Variants in HTT observed in about 807,000 individuals in gnomAD.
HTT encodes huntington disease protein.
HTT carries 104 observed loss-of-function variants against 362.3 expected under a neutral mutation model. The observed-to-expected ratio is 0.29, with a 90% CI of 0.24 to 0.34. HTT has a LOEUF of 0.34. Among genes scored for constraint, HTT ranks in the 10% least tolerant of loss-of-function variants. The probability of loss-of-function intolerance (pLI) is 1.00; values close to 1 mark genes in which losing one functional copy is unlikely to be tolerated. For synonymous variants in HTT, 1,577 were observed against 1,548.7 expected (o/e 1.02, Z -0.43); for missense variants, 3,301 against 3,928.6 (o/e 0.84, Z 4.27).
intron 26 of HTT, among the ~76,000 whole-genome samples, chr4:3,148,590 G>T (rs1716724457): frequency 6.6e-6 from 1 of 152,176 alleles, no homozygotes. Context: ...GAGGTCAAGA[G>T]ATCAAGACCA....
At chr4:3,135,263 C>T (rs1229672968) in intron 19 of HTT, among the ~76,000 whole-genome samples, 3 of 151,128 alleles carry the variant, frequency 2.0e-5, no homozygotes, top group African/African-American at 4.9e-5. Context: ...GCTGTGGTTG[C>T]AGTGAGCCAA....
intron 8 of HTT, among the ~76,000 whole-genome samples, chr4:3,117,890 T>C (rs1210702017): frequency 6.6e-6 from 1 of 152,154 alleles, no homozygotes; most frequent in African/African-American, 2.4e-5. Flanking sequence ...GACCTGAAAA[T>C]ATTAAACATT....
At position 3,204,180 on chromosome 4, in the gene HTT, G is replaced by A. The variant is rs535650705; in HGVS notation, c.5718+32G>A. Reference sequence around the variant, plus strand: ...TTGAAATGCCTGTAAACGGGGTTGAGGGAGGTGGGGACCAGGAGAACATCC... The same window carrying A: ...TTGAAATGCCTGTAAACGGGGTTGAAGGAGGTGGGGACCAGGAGAACATCC... On this transcript the variant is annotated intron_variant, in intron 42 of 66. Coordinates refer to ENST00000355072, the MANE Select transcript of HTT (RefSeq NM_001388492.1). The A allele has an allele frequency of 5.7e-5, 92 of 1,612,464 alleles. 3 individuals are homozygous for A. In the South Asian group the frequency reaches 8.9e-4, roughly 16 times the overall value.
chr4:3,131,528 G>A (rs979189294), intron 15 of HTT, 110 bp from the exon 16 acceptor site: 71 of 1,524,334 alleles, frequency 4.7e-5, no homozygotes, highest in Middle Eastern at 3.4e-4. Context: ...TTCACTAGCC[G>A]AGGGGAGGGA....
At chr4:3,123,052 T>G in intron 10 of HTT, 116 bp downstream of exon 10, 5 of 653,884 alleles carry the variant, frequency 7.6e-6, no homozygotes, top group Non-Finnish European at 1.3e-5. Context: ...TGTATATCTC[T>G]TCTCAGATGA....
At chr4:3,084,647 G>A (rs1313351033) in intron 1 of HTT, among the ~76,000 whole-genome samples, 5 of 150,400 alleles carry the variant, frequency 3.3e-5, no homozygotes, top group Non-Finnish European at 7.4e-5. Context: ...CTGAGAGTGC[G>A]CCATTGCACT....
intron 62 of HTT, 72 bp from the exon 63 acceptor site, chr4:3,235,493 G>A: frequency 6.5e-7 from 1 of 1,542,010 alleles, no homozygotes; most frequent in Non-Finnish European, 9.0e-7. Flanking sequence ...GTTTTGACTT[G>A]GTCGGGAGGA....
At chr4:3,114,194 G>A (rs1176639697) in intron 6 of HTT, among the ~76,000 whole-genome samples, 1 of 152,234 alleles carries the variant, frequency 6.6e-6, no homozygotes, top group Non-Finnish European at 1.5e-5. Flanking sequence ...GGCACAGATC[G>A]CTCATGCTAT....
intron 46 of HTT, among the ~76,000 whole-genome samples, chr4:3,209,521 A>C (rs1373248253): frequency 6.6e-6 from 1 of 152,192 alleles, no homozygotes; most frequent in Non-Finnish European, 1.5e-5. Context: ...GAGATGAGTA[A>C]AGCAGACAAC....
At chr4:3,201,254 C>T (rs575148402) in intron 41 of HTT, among the ~76,000 whole-genome samples, 17 of 152,218 alleles carry the variant, frequency 1.1e-4, no homozygotes, top group African/African-American at 1.2e-4. Flanking sequence ...TTAGGCTGGG[C>T]GTGGTGGCTC....
intron 53 of HTT, 73 bp from the exon 54 acceptor site, chr4:3,222,314 G>A (rs1720711002): frequency 5.4e-6 from 7 of 1,299,488 alleles, no homozygotes; most frequent in Non-Finnish European, 7.7e-6. Flanking sequence ...GTGCTGTGTC[G>A]GCGTAGCTGT....
chr4:3,220,573 G>C (rs1218128731), intron 53 of HTT, among the ~76,000 whole-genome samples: 1 of 152,206 alleles, frequency 6.6e-6, no homozygotes, highest in Non-Finnish European at 1.5e-5. Flanking sequence ...TTCATGTGTA[G>C]TGGACAACGT....
In HTT at chr4:3,099,159, T is replaced by C. The variant is rs904164937; in HGVS notation, c.348-115T>C. 61 of 646,772 alleles carry C rather than the reference T, an allele frequency of 9.4e-5. 1 individual carries two copies. Among genetic ancestry groups the C allele is most frequent in the Non-Finnish European group, 1.5e-4 (55 of 375,522 alleles). 40.1% of individuals were successfully genotyped at this position (646,772 alleles called of 1,614,324 possible). A position where few individuals can be genotyped will look rare whatever the true frequency, so the allele number is the denominator to read the frequency against. On this transcript the variant is annotated intron_variant, in intron 2 of 66. Transcript: ENST00000355072. ...TTTATTCAGATTTTCTTAATTTCTA[T>C]GTAATGTCCTTTTTCTGTTCCAGAA...
In HTT at chr4:3,157,208, C is replaced by G. The variant is rs1717194450; in HGVS notation, c.3753+9C>G. 3 of 1,605,792 alleles carry G rather than the reference C, an allele frequency of 1.9e-6. No individual in the cohort carries two copies. The highest frequency in any genetic ancestry group is 2.5e-6 in the Non-Finnish European group (3 of 1,177,428). The stretch of plus-strand genomic sequence containing the variant: ...CACACGCTAACTACAAGGTATGGGC[C>G]TCTGCATCTTTTAAAAATATATATG... On this transcript the variant is annotated intron_variant, in intron 28 of 66. Transcript: ENST00000355072.
At position 3,208,823 on chromosome 4, in the gene HTT, A is replaced by T; in HGVS notation, c.6203A>T (p.Gln2068Leu). The T allele has an allele frequency of 1.9e-6, 3 of 1,614,086 alleles. No homozygotes were observed. Among genetic ancestry groups the T allele is most frequent in the Non-Finnish European group, 2.5e-6 (3 of 1,180,004 alleles). ...LLDRFRLSTM[Q>L]DSLSPSPPVS... ...GACAGGTTTCGTCTCTCCACCATGC[A>T]AGACTCACTTAGTCCCTCTCCTCCA... The change falls in exon 46 of 67, where the codon CAA (glutamine) becomes CTA (leucine). Residue 2068 changes from glutamine (Q) to leucine (L), a missense_variant. Around this residue, in one of 4 missense-constraint regions of HTT, gnomAD observed 2,316 missense variants for 2,658.5 expected, o/e 0.87. Transcript: ENST00000355072.
chr4:3,189,897 T>C (rs1035158946), intron 40 of HTT, among the ~76,000 whole-genome samples: 3 of 152,112 alleles, frequency 2.0e-5, no homozygotes, highest in Non-Finnish European at 2.9e-5. Context: ...GTGCATGTGG[T>C]CCCAGCTACT....
At chr4:3,181,257 A>C (rs1461399477) in intron 36 of HTT, among the ~76,000 whole-genome samples, 1 of 152,198 alleles carries the variant, frequency 6.6e-6, no homozygotes, top group East Asian at 1.9e-4. Flanking sequence ...AGATCGTTCA[A>C]GATAGTGAGG....
At chr4:3,107,053 A>C (rs564922932) in intron 5 of HTT, among the ~76,000 whole-genome samples, 1 of 152,354 alleles carries the variant, frequency 6.6e-6, no homozygotes, top group African/African-American at 2.4e-5. Flanking sequence ...ACTGCAAATA[A>C]TTTTTAAACC....
At chr4:3,083,530 T>TATATATACAC (rs1165543364) in intron 1 of HTT, among the ~76,000 whole-genome samples, 75 of 125,202 alleles carry the variant, frequency 6.0e-4, no homozygotes, top group East Asian at 2.6e-3. Flanking sequence ...TCTCTAAATA[T>TATATATACAC]ACACACACAC....
Sources: gnomAD v4.1 joint callset for allele counts (sites outside exome capture counted in the v4.1 genomes callset) on GRCh38, gnomAD v4.1.1 for gene constraint, gnomAD v4.1.1 regional missense constraint, MANE v1.5 for transcripts, NCBI Gene and HGNC (gene_info 2026-07-23, HGNC 2026-07-21) for gene names.